Variants in BRD1 observed in about 807,000 individuals in gnomAD.
BRD1 encodes the protein bromodomain containing 1.
In BRD1, 24 loss-of-function variants were observed where a neutral mutation model predicts 107.7. The ratio of observed to expected loss-of-function variants is 0.22; its 90% CI spans 0.16 to 0.31. The LOEUF (loss-of-function observed/expected upper bound fraction) is 0.31, where lower values mean the gene tolerates loss of function less well. Among genes scored for constraint, BRD1 ranks in the 10% least tolerant of loss-of-function variants. The pLI is 1.00. For missense variants in BRD1, 1,279 were observed against 1,638.6 expected (o/e 0.78, Z 3.79); for synonymous variants, 744 against 686.1 (o/e 1.08, Z -1.32).
At chr22:49,826,656 CTGTGCGAAGTTG>C (rs199765430) in intron 1 of BRD1, among the ~76,000 whole-genome samples, 1,610 of 152,334 alleles carry the variant, frequency 0.011, 21 homozygotes, top group African/African-American at 0.037. Flanking sequence ...GGCCGCTGAG[CTGTGCGAAGTTG>C]TGTGCAGCAC....
intron 10 of BRD1, among the ~76,000 whole-genome samples, chr22:49,776,582 G>GA (rs756068223): frequency 9.1e-4 from 139 of 152,190 alleles, no homozygotes; most frequent in Non-Finnish European, 1.6e-3. Flanking sequence ...CCACCTGGGG[G>GA]ATCTCCGTCC....
rs1296572944 is a variant in BRD1 at position 49,808,436 on chromosome 22, G to A, written c.1368-4076C>T. 3.9e-5 allele frequency among the ~76,000 whole-genome samples: 6 copies of A among 152,198 alleles called. No homozygotes were observed. In the East Asian group the frequency reaches 1.2e-3, roughly 29 times the overall value. ...AGCCAGACACAAAAAGACAAATACT[G>A]CCTGATTGCGCTTATGTGAGGGACT... is the stretch of plus-strand genomic sequence containing the variant. On this transcript the variant is annotated intron_variant, in intron 2 of 12. Coordinates refer to ENST00000404760, the MANE Select transcript of BRD1 (RefSeq NM_001304808.3).
At chr22:49,818,615 C>T (rs1444812131) in intron 2 of BRD1, among the ~76,000 whole-genome samples, 1 of 152,166 alleles carries the variant, frequency 6.6e-6, no homozygotes, top group Non-Finnish European at 1.5e-5. Context: ...TGGCCGGGCT[C>T]GGTGGCTCAC....
At chr22:49,811,810 G>A (rs887803663) in intron 2 of BRD1, among the ~76,000 whole-genome samples, 5 of 152,192 alleles carry the variant, frequency 3.3e-5, no homozygotes, top group African/African-American at 1.2e-4. Context: ...GGATGGAATG[G>A]GACACACCGC....
intron 3 of BRD1, among the ~76,000 whole-genome samples, chr22:49,801,724 A>C (rs939702543): frequency 1.3e-5 from 2 of 152,224 alleles, no homozygotes; most frequent in Admixed American, 6.5e-5. Flanking sequence ...TATTCTGCAC[A>C]CAACAGGACG....
At chr22:49,775,517 G>C in intron 12 of BRD1, 74 bp downstream of exon 12, 2 of 1,273,852 alleles carry the variant, frequency 1.6e-6, no homozygotes, top group Non-Finnish European at 1.0e-6. Context: ...TCACCACAGG[G>C]ACACTCAGGT....
chr22:49,784,516 G>A (rs1480647010), intron 8 of BRD1, among the ~76,000 whole-genome samples: 14 of 152,230 alleles, frequency 9.2e-5, no homozygotes, highest in Non-Finnish European at 1.3e-4. Context: ...CAGCACAGCC[G>A]GCCCGCGGGC....
intron 8 of BRD1, among the ~76,000 whole-genome samples, chr22:49,778,657 G>A (rs1272472152): frequency 6.6e-6 from 1 of 152,070 alleles, no homozygotes; most frequent in Non-Finnish European, 1.5e-5. Context: ...CTAAAGGGGT[G>A]TGTGATTTTT....
chr22:49,811,833 A>G (rs1695881093), intron 2 of BRD1, among the ~76,000 whole-genome samples: 1 of 152,250 alleles, frequency 6.6e-6, no homozygotes, highest in Non-Finnish European at 1.5e-5. Flanking sequence ...AGGCGAATTC[A>G]GCCGGCGGTG....
rs1244461858 is a variant in BRD1 at position 49,824,896 on chromosome 22, TG to T, written c.-14-566del. On this transcript the variant is annotated intron_variant, in intron 1 of 12. Coordinates refer to ENST00000404760, the MANE Select transcript of BRD1 (RefSeq NM_001304808.3). The surrounding 1 kb of genome is among the most constrained non-coding windows in gnomAD (Gnocchi z 5.9). ...ACCACAGTCCTTGCAGCATTCCTGC[TG>T]GGGCCAGGGGTAGGAGACAGATCAC... 2 of 873,222 alleles carry T rather than the reference TG, an allele frequency of 2.3e-6. No homozygotes were observed. Among genetic ancestry groups the T allele is most frequent in the East Asian group, 1.1e-4 (1 of 9,138 alleles). The allele number at this position is 873,222 out of a possible 1,614,324, so 54.1% of individuals were successfully genotyped here.
chr22:49,779,309 G>T (rs559205509), intron 8 of BRD1, among the ~76,000 whole-genome samples: 142 of 152,250 alleles, frequency 9.3e-4, no homozygotes, highest in African/African-American at 3.0e-3. Flanking sequence ...CAATACAGGG[G>T]CTGAATCAGC....
intron 9 of BRD1, among the ~76,000 whole-genome samples, chr22:49,777,405 A>T (rs1392612663): frequency 1.3e-5 from 2 of 152,224 alleles, no homozygotes; most frequent in African/African-American, 4.8e-5. Flanking sequence ...AGATTCTGGG[A>T]GGTAAAGATC....
intron 11 of BRD1, 148 bp downstream of exon 11, chr22:49,775,902 G>A: frequency 1.0e-6 from 1 of 1,002,366 alleles, no homozygotes; most frequent in Non-Finnish European, 1.4e-6. Context: ...GCCCCTTCCA[G>A]CTGTGTGAAC....
Position 49,824,524 on chromosome 22 carries a change from G to C in BRD1, c.-14-193C>G, listed in dbSNP as rs1182825216. The C allele has an allele frequency of 3.5e-6, 5 of 1,409,138 alleles. No homozygotes were observed. In the East Asian group the frequency reaches 1.3e-4, roughly 37 times the overall value. The allele number at this position is 1,409,138 out of a possible 1,614,324, so 87.3% of individuals were successfully genotyped here. A position where few individuals can be genotyped will look rare whatever the true frequency, so the allele number is the denominator to read the frequency against. ...GAGCGAGTCCCCAGGACCAGGGAGGGAGCAGCAGTAACAGGCAGAGAGGCA... is the reference window on the plus strand; with the variant it reads ...GAGCGAGTCCCCAGGACCAGGGAGGCAGCAGCAGTAACAGGCAGAGAGGCA... On this transcript the variant is annotated intron_variant, in intron 1 of 12. Coordinates refer to ENST00000404760, the MANE Select transcript of BRD1 (RefSeq NM_001304808.3). The surrounding 1 kb of genome is among the most constrained non-coding windows in gnomAD (Gnocchi z 5.9).
chr22:49,799,056 G>T lies in BRD1; in HGVS notation c.1588C>A (p.His530Asn). 1 of 1,611,224 alleles carries T rather than the reference G, an allele frequency of 6.2e-7. No homozygotes were observed. ...EKLKYWQRLR[H>N]DLERARLLIE... ...AGCAGGCGAGCGCGCTCCAGGTCGT[G>T]CCGCAGCCGCTGCCAGTACTTCAGC... Residue 530 changes from histidine to asparagine, a missense_variant, in exon 4 of 13, where the codon CAC becomes AAC. By Grantham distance (68) the His-to-Asn change is moderately conservative (BLOSUM62 1). Around this residue, in one of 7 missense-constraint regions of BRD1, gnomAD observed 406 missense variants for 519.4 expected, o/e 0.78. Transcript: ENST00000404760.
chr22:49,818,592 C>T (rs1239442742), intron 2 of BRD1, among the ~76,000 whole-genome samples: 2 of 152,058 alleles, frequency 1.3e-5, no homozygotes, highest in Admixed American at 6.6e-5. Flanking sequence ...AGACTAAAGA[C>T]AAAATGTCCT....
intron 8 of BRD1, among the ~76,000 whole-genome samples, chr22:49,780,927 C>G (rs371711466): frequency 6.6e-6 from 1 of 152,246 alleles, no homozygotes; most frequent in Non-Finnish European, 1.5e-5. Context: ...TTGCAAACAG[C>G]AGGCACTGAG....
rs151193220 is a variant in BRD1 at position 49,823,877 on chromosome 22, G to C, written c.441C>G (p.Ala147=). ...PVYYKFIEKS[A]EELDNEVEYD... ...ACTCCACCTCGTTGTCCAGTTCCTC[G>C]GCCGACTTCTCGATGAACTTGTAGT... The change falls in exon 2 of 13, where the codon GCC becomes GCG. Residue 147 remains alanine (A), a synonymous_variant. Coordinates refer to ENST00000404760, the MANE Select transcript of BRD1 (RefSeq NM_001304808.3). 88 of 1,614,052 alleles carry C rather than the reference G, an allele frequency of 5.5e-5. No homozygotes were observed. Among genetic ancestry groups the C allele is most frequent in the Non-Finnish European group, 7.2e-5 (85 of 1,180,046 alleles).
rs766141812 is a variant in BRD1, at chr22:49,774,001, G to A, written c.*232C>T. ...CAAAGAAAGTGACGCCAGCAGCACG[G>A]CCTGGGGACGTGCGACAGACGCACT... On this transcript the variant is annotated 3_prime_UTR_variant, in exon 13 of 13. Transcript: ENST00000404760. The A allele has an allele frequency of 4.4e-6, 2 of 458,196 alleles. No individual in the cohort carries two copies. Among genetic ancestry groups the A allele is most frequent in the Non-Finnish European group, 7.7e-6 (2 of 261,372 alleles). The allele number at this position is 458,196 out of a possible 1,614,324, so 28.4% of individuals were successfully genotyped here.
Sources: gnomAD v4.1 joint callset for allele counts (sites outside exome capture counted in the v4.1 genomes callset) on GRCh38, gnomAD v4.1.1 for gene constraint, gnomAD v4.1.1 regional missense constraint, Gnocchi (gnomAD v3.1) non-coding constraint, MANE v1.5 for transcripts, NCBI Gene and HGNC (gene_info 2026-07-23, HGNC 2026-07-21) for gene names.